ARHGAP28: variants seen among roughly 807,000 people sequenced by gnomAD.
ARHGAP28 encodes the protein rho GTPase-activating protein 28.
Under a neutral mutation model 90.7 loss-of-function variants are expected in ARHGAP28, and 56 were observed. That is an observed-to-expected ratio of 0.62 (90% CI 0.50 to 0.77). The LOEUF is 0.77. ARHGAP28 is among the 30% of genes least tolerant of loss of function. The probability of loss-of-function intolerance (pLI) is 0.00; values close to 1 mark genes in which losing one functional copy is unlikely to be tolerated. For missense variants in ARHGAP28, 869 were observed against 900.9 expected (o/e 0.96, Z 0.45); for synonymous variants, 308 against 323.3 (o/e 0.95, Z 0.51).
chr18:6,784,624 C>T (rs577588894), intron 1 of ARHGAP28, among the ~76,000 whole-genome samples: 13 of 152,314 alleles, frequency 8.5e-5, no homozygotes, highest in African/African-American at 3.1e-4. Flanking sequence ...TTACTGCCCT[C>T]TATTCAATTT....
At chr18:6,911,952 A>G in intron 17 of ARHGAP28, 108 bp from the exon 18 acceptor site, 1 of 561,808 alleles carries the variant, frequency 1.8e-6, no homozygotes. Context: ...GGCCAAGAAA[A>G]CTATATTAAC....
At chr18:6,868,938 AT>A (rs1235463515) in intron 6 of ARHGAP28, among the ~76,000 whole-genome samples, 4 of 152,118 alleles carry the variant, frequency 2.6e-5, no homozygotes, top group African/African-American at 9.7e-5. Context: ...GGTGAATCGA[AT>A]GGCATGTGAA....
intron 1 of ARHGAP28, among the ~76,000 whole-genome samples, chr18:6,816,500 A>T (rs1166624962): frequency 6.6e-6 from 1 of 152,136 alleles, no homozygotes; most frequent in Non-Finnish European, 1.5e-5. Flanking sequence ...TATCCACGGG[A>T]ATTTCTCTAG....
chr18:6,817,597 G>A (rs1159267542), intron 1 of ARHGAP28, among the ~76,000 whole-genome samples: 1 of 152,162 alleles, frequency 6.6e-6, no homozygotes, highest in Non-Finnish European at 1.5e-5. Context: ...TCACATTTCT[G>A]GAAGTCCAGA....
At chr18:6,740,170 T>C (rs1324597961) in intron 1 of ARHGAP28, among the ~76,000 whole-genome samples, 1 of 152,224 alleles carries the variant, frequency 6.6e-6, no homozygotes, top group African/African-American at 2.4e-5. Flanking sequence ...TAAGAATTCA[T>C]AATGAACATT....
chr18:6,794,964 T>G (rs553393270), intron 1 of ARHGAP28, among the ~76,000 whole-genome samples: 57 of 152,234 alleles, frequency 3.7e-4, no homozygotes, highest in African/African-American at 1.4e-3. Context: ...ATTACAGGTA[T>G]GAGCCACCAT....
At chr18:6,840,689 G>A (rs1264472394) in intron 3 of ARHGAP28, among the ~76,000 whole-genome samples, 2 of 152,138 alleles carry the variant, frequency 1.3e-5, no homozygotes, top group African/African-American at 4.8e-5. Context: ...CAGTCCTGCT[G>A]CTGAAGTCTC....
chr18:6,878,064 C>G (rs1304372783), intron 10 of ARHGAP28, among the ~76,000 whole-genome samples: 1 of 151,924 alleles, frequency 6.6e-6, no homozygotes, highest in Non-Finnish European at 1.5e-5. Flanking sequence ...TGTCCTGTTT[C>G]TAAATCACCG....
chr18:6,824,685 T>G, intron 1 of ARHGAP28, 77 bp from the exon 2 acceptor site: 2 of 1,250,232 alleles, frequency 1.6e-6, no homozygotes, highest in Non-Finnish European at 2.2e-6. Flanking sequence ...TAATTAAACT[T>G]AATTAAATTT....
chr18:6,730,221 GTATATA>G (rs55890039), intron 1 of ARHGAP28: 1 of 172,214 alleles, frequency 5.8e-6, no homozygotes, highest in African/African-American at 2.9e-5. Context: ...TAAGTCATGT[GTATATA>G]TATATATATA....
chr18:6,824,666 A>T, intron 1 of ARHGAP28, 96 bp from the exon 2 acceptor site: 1 of 1,121,620 alleles, frequency 8.9e-7, no homozygotes, highest in Non-Finnish European at 1.2e-6. Flanking sequence ...CATTTGATTT[A>T]AACTTAATTA....
At position 6,870,806 on chromosome 18, in the gene ARHGAP28, T is replaced by C. The variant is rs1012210686; in HGVS notation, c.954+74T>C. 5.4e-5 allele frequency: 32 copies of C among 591,568 alleles called. No homozygotes were observed. The Admixed American group carries it at 9.1e-4, about 17-fold the overall frequency. 36.6% of individuals were successfully genotyped at this position (591,568 alleles called of 1,614,324 possible). On this transcript the variant is annotated intron_variant, in intron 7 of 17. Coordinates refer to ENST00000383472, the MANE Select transcript of ARHGAP28 (RefSeq NM_001366230.1). Reference sequence around the variant, plus strand: ...AGGACAAAACTAAGATTTCTTTTTCTTTTTTTTTTTTGAGACGGAGTCTCG... The same window carrying C: ...AGGACAAAACTAAGATTTCTTTTTCCTTTTTTTTTTTGAGACGGAGTCTCG...
chr18:6,772,774 G>T (rs1187421768), intron 1 of ARHGAP28, among the ~76,000 whole-genome samples: 1 of 149,690 alleles, frequency 6.7e-6, no homozygotes, highest in Non-Finnish European at 1.5e-5. Context: ...CGCTCTTGTT[G>T]CCCAGGCTGG....
At chr18:6,796,696 T>C (rs934267881) in intron 1 of ARHGAP28, among the ~76,000 whole-genome samples, 2 of 152,194 alleles carry the variant, frequency 1.3e-5, no homozygotes, top group South Asian at 2.1e-4. Context: ...ATGGGTCTTA[T>C]AAATAATGAG....
At chr18:6,874,698 G>A (rs919158901) in intron 9 of ARHGAP28, 2 of 152,112 alleles carry the variant, frequency 1.3e-5, no homozygotes, top group Admixed American at 1.3e-4. Context: ...TACTTCTCAA[G>A]TCAGGTGACT....
At chr18:6,813,084 A>G (rs1168347050) in intron 1 of ARHGAP28, among the ~76,000 whole-genome samples, 2 of 152,214 alleles carry the variant, frequency 1.3e-5, no homozygotes, top group Admixed American at 6.5e-5. Flanking sequence ...ATGTGGATTT[A>G]GAATTTATCA....
intron 2 of ARHGAP28, among the ~76,000 whole-genome samples, chr18:6,833,281 A>G (rs1041106389): frequency 6.6e-6 from 1 of 151,998 alleles, no homozygotes; most frequent in South Asian, 2.1e-4. Flanking sequence ...TAATCACAAC[A>G]TACTATTAAA....
chr18:6,906,870 A>G (rs2057367281), intron 16 of ARHGAP28, among the ~76,000 whole-genome samples: 1 of 152,170 alleles, frequency 6.6e-6, no homozygotes, highest in African/African-American at 2.4e-5. Flanking sequence ...TATTTGCAAA[A>G]CCACATATCC....
chr18:6,794,405 A>C (rs539168403), intron 1 of ARHGAP28, among the ~76,000 whole-genome samples: 1 of 152,232 alleles, frequency 6.6e-6, no homozygotes, highest in South Asian at 2.1e-4. Context: ...ATGGGGAGAC[A>C]GTCCTGTGAA....
Sources: allele counts gnomAD v4.1 joint callset (sites outside exome capture counted in the v4.1 genomes callset), GRCh38; gene constraint gnomAD v4.1.1; transcripts MANE v1.5; gene names NCBI Gene and HGNC (gene_info 2026-07-23, HGNC 2026-07-21).